Variants in PKD1L1 observed in about 807,000 individuals in gnomAD.
The protein encoded by PKD1L1 is polycystin 1 like 1, transient receptor potential channel interacting.
A neutral mutation model predicts 323.4 loss-of-function variants in PKD1L1; 236 were observed. That is an observed-to-expected ratio of 0.73 (90% confidence interval 0.66 to 0.81). The LOEUF (loss-of-function observed/expected upper bound fraction) is 0.81, where lower values mean the gene tolerates loss of function less well. PKD1L1 is among the 40% of genes least tolerant of loss of function. The pLI, the probability that PKD1L1 is intolerant of heterozygous loss-of-function variation, is 0.00. For synonymous variants in PKD1L1, 1,344 were observed against 1,335.0 expected (o/e 1.01, Z -0.15); for missense variants, 3,320 against 3,508.0 (o/e 0.95, Z 1.35).
At chr7:47,928,523 T>C (rs1167541973) in intron 7 of PKD1L1, among the ~76,000 whole-genome samples, 2 of 152,108 alleles carry the variant, frequency 1.3e-5, no homozygotes, top group East Asian at 1.9e-4. Context: ...TGAGCCGAGA[T>C]TGCGCCACTG....
In PKD1L1 at chr7:47,840,620, T is replaced by C. The variant is rs551230662; in HGVS notation, c.5446-53A>G. The C allele has an allele frequency of 1.3e-5, 18 of 1,370,068 alleles. No individual in the cohort carries two copies. In the African/African-American group the frequency reaches 1.6e-4, roughly 12 times the overall value. 84.9% of individuals were successfully genotyped at this position (1,370,068 alleles called of 1,614,324 possible). ...TCAGGCTATTTCACAGCAGACACCA[T>C]GCAATGCTGGGCAGGGCTTCCTCGC... On this transcript the variant is annotated intron_variant, in intron 34 of 56. Transcript: ENST00000289672. The surrounding 1 kb of genome is among the most constrained non-coding windows in gnomAD (Gnocchi z 4.1).
chr7:47,954,078 G>A, the PKD1L1 span, among the ~76,000 whole-genome samples: 3,066 of 152,268 alleles, frequency 0.02, 54 homozygotes, highest in East Asian at 0.098. Flanking sequence ...ATAGCTTGAG[G>A]TTAGAAACAC....
At chr7:47,937,036 C>A in intron 3 of PKD1L1, 78 bp from the exon 4 acceptor site, 2 of 1,168,196 alleles carry the variant, frequency 1.7e-6, no homozygotes, top group Middle Eastern at 2.4e-4. Context: ...AATATTACTT[C>A]ATTAACAAAA....
chr7:47,889,016 C>G (rs147618367), intron 16 of PKD1L1, among the ~76,000 whole-genome samples: 5 of 152,266 alleles, frequency 3.3e-5, no homozygotes, highest in African/African-American at 1.2e-4. Context: ...CCTAAGCACT[C>G]GACTCCCAGC....
intron 19 of PKD1L1, among the ~76,000 whole-genome samples, 181 bp from the exon 20 acceptor site, chr7:47,882,266 G>A (rs1236250425): frequency 6.6e-6 from 1 of 150,736 alleles, no homozygotes. Context: ...CATGTAATTA[G>A]CGGTCCAAAG....
intron 24 of PKD1L1, among the ~76,000 whole-genome samples, chr7:47,869,917 G>T (rs567005558): frequency 6.6e-6 from 1 of 151,906 alleles, no homozygotes; most frequent in Non-Finnish European, 1.5e-5. Flanking sequence ...TAAATAATTA[G>T]AAATCAATGA....
intron 33 of PKD1L1, among the ~76,000 whole-genome samples, chr7:47,844,206 C>G (rs1164758104): frequency 1.3e-5 from 2 of 152,228 alleles, no homozygotes; most frequent in Admixed American, 6.5e-5. Context: ...GTGACCTGTT[C>G]TGCACCCAAC....
Position 47,904,720 on chromosome 7 carries a change from G to C in PKD1L1, c.1692-103C>G, listed in dbSNP as rs556456602. ...TATACTTTAAGAGGAAGGCGGGGGA[G>C]GGGGAGGCAGCATTTAATTTGTAAG... On this transcript the variant is annotated intron_variant, in intron 11 of 56. Transcript: ENST00000289672. 2.3e-5 allele frequency: 31 copies of C among 1,331,336 alleles called. No individual in the cohort carries two copies. The East Asian group carries it at 7.1e-4, about 31-fold the overall frequency. 82.5% of individuals were successfully genotyped at this position (1,331,336 alleles called of 1,614,324 possible).
At chr7:47,777,734 AT>A (rs1232354036) in intron 56 of PKD1L1, among the ~76,000 whole-genome samples, 1 of 152,150 alleles carries the variant, frequency 6.6e-6, no homozygotes, top group African/African-American at 2.4e-5. Context: ...ATCCAGGTTT[AT>A]TTTTCACATA....
chr7:47,940,111 A>G, intron 3 of PKD1L1, 82 bp downstream of exon 3: 2 of 1,534,748 alleles, frequency 1.3e-6, no homozygotes, highest in South Asian at 1.2e-5. Flanking sequence ...ATTCCTGATG[A>G]AACATGGAGG....
At chr7:47,929,151 C>CTTAG in intron 7 of PKD1L1, 53 bp downstream of exon 7, 1 of 1,548,748 alleles carries the variant, frequency 6.5e-7, no homozygotes, top group Non-Finnish European at 8.8e-7. Context: ...TCTTGGGTCC[C>CTTAG]CTAGCTCAGG....
In PKD1L1 at chr7:47,881,914, G is replaced by A. The variant is rs1786561917; in HGVS notation, c.3437C>T (p.Ser1146Phe). The change falls in exon 20 of 57, where the codon TCC (serine) becomes TTC (phenylalanine). Residue 1146 changes from serine (S) to phenylalanine (F), a missense_variant. Ser to Phe is a radical substitution (Grantham distance 155). Coordinates refer to ENST00000289672, the MANE Select transcript of PKD1L1 (RefSeq NM_138295.5). ...TACAAAGAGGACATTCATACCTGAG[G>A]ATGAATAGCCTTGGAAAACTGCTCG... Reference protein sequence around the residue: ...LGRAVFQGYSSSGITEQTVTI... With the variant: ...LGRAVFQGYSFSGITEQTVTI... 1 of 1,594,080 alleles carries A rather than the reference G, an allele frequency of 6.3e-7. No homozygotes were observed.
At chr7:47,796,291 T>A in intron 54 of PKD1L1, 141 bp from the exon 55 acceptor site, 1 of 813,652 alleles carries the variant, frequency 1.2e-6, no homozygotes, top group Non-Finnish European at 1.8e-6. Context: ...GATTTCTTGG[T>A]GAAAAAAAGC....
intron 31 of PKD1L1, 33 bp from the exon 32 acceptor site, chr7:47,847,104 C>A: frequency 2.0e-6 from 3 of 1,517,132 alleles, no homozygotes; most frequent in Non-Finnish European, 2.6e-6. Context: ...AAAAGTACAA[C>A]CTGAGGTTTG....
intron 19 of PKD1L1, 131 bp from the exon 20 acceptor site, chr7:47,882,216 C>A: frequency 1.0e-6 from 1 of 960,604 alleles, no homozygotes; most frequent in Non-Finnish European, 1.6e-6. Flanking sequence ...AATATAATGT[C>A]TTCAGCAGCC....
chr7:47,921,020 A>G (rs1224293593), intron 7 of PKD1L1, among the ~76,000 whole-genome samples: 2 of 152,222 alleles, frequency 1.3e-5, no homozygotes, highest in African/African-American at 4.8e-5. Flanking sequence ...AGCAAATGCA[A>G]TAACAACAAA....
chr7:47,939,095 C>A (rs2128757810), intron 3 of PKD1L1, among the ~76,000 whole-genome samples: 1 of 152,294 alleles, frequency 6.6e-6, no homozygotes, highest in Admixed American at 6.5e-5. Context: ...ACACCTCTCC[C>A]CAACCTCCTG....
At chr7:47,831,458 G>A (rs1785348063) in intron 41 of PKD1L1, 106 bp from the exon 42 acceptor site, 5 of 1,407,722 alleles carry the variant, frequency 3.6e-6, no homozygotes, top group Non-Finnish European at 3.8e-6. Flanking sequence ...TGGGTCGTAG[G>A]GTGCCCAGGC....
Position 47,853,241 on chromosome 7 carries a change from A to C in PKD1L1, c.4860-14T>G. The stretch of plus-strand genomic sequence containing the variant: ...TTCTCAGAGAATCTAGGAGATAAAA[A>C]CAAAATAGGGATTTCTCATTTTTTT... On this transcript the variant is annotated splice_polypyrimidine_tract_variant and intron_variant, in intron 30 of 56. Transcript: ENST00000289672. 1 of 1,523,568 alleles carries C rather than the reference A, an allele frequency of 6.6e-7. No homozygotes were observed. The allele number at this position is 1,523,568 out of a possible 1,614,324, so 94.4% of individuals were successfully genotyped here.
Sources: allele counts gnomAD v4.1 joint callset (sites outside exome capture counted in the v4.1 genomes callset), GRCh38; gene constraint gnomAD v4.1.1; non-coding constraint Gnocchi (gnomAD v3.1); transcripts MANE v1.5; gene names NCBI Gene and HGNC (gene_info 2026-07-23, HGNC 2026-07-21).